AGBL3: variants seen among roughly 807,000 people sequenced by gnomAD.
AGBL3 encodes cytosolic carboxypeptidase 3.
AGBL3 carries 68 observed loss-of-function variants against 94.5 expected under a neutral mutation model. The ratio of observed to expected loss-of-function variants is 0.72; its 90% CI spans 0.59 to 0.88. The LOEUF is 0.88. Among genes scored for constraint, AGBL3 ranks in the 40% least tolerant of loss-of-function variants. The pLI, the probability that AGBL3 is intolerant of heterozygous loss-of-function variation, is 0.00. For synonymous variants in AGBL3, 354 were observed against 370.7 expected, an observed-to-expected ratio of 0.95 and a Z score of 0.52; for missense variants, 934 against 1,103.8, an observed-to-expected ratio of 0.85 and a Z score of 2.18.
intron 11 of AGBL3, among the ~76,000 whole-genome samples, chr7:135,057,464 G>A (rs2116672855): frequency 6.6e-6 from 1 of 152,184 alleles, no homozygotes; most frequent in East Asian, 1.9e-4. Context: ...TTAGGGAATT[G>A]CAGACTAAAA....
In AGBL3 at chr7:134,986,593, C is replaced by G. The variant is rs1809459104; in HGVS notation, c.-168C>G. On this transcript the variant is annotated 5_prime_UTR_variant, in exon 1 of 17. Transcript: ENST00000436302. ...ACTTCTAGCGGCTGGATACCGGGTT[C>G]TCCGCGAGATCGCGAGATCCCGAGA... 1 of 65,560 alleles carries G rather than the reference C, an allele frequency of 1.5e-5. No individual in the cohort carries two copies. The highest frequency in any genetic ancestry group is 1.3e-4 in the Admixed American group (1 of 7,666). The allele number at this position is 65,560 out of a possible 1,614,324, so 4.1% of individuals were successfully genotyped here. A position where few individuals can be genotyped will look rare whatever the true frequency, so the allele number is the denominator to read the frequency against.
intron 4 of AGBL3, chr7:135,012,553 TGG>T (rs1398416388): frequency 6.6e-6 from 1 of 152,176 alleles, no homozygotes; most frequent in Non-Finnish European, 1.5e-5. Flanking sequence ...GAAGTATGTT[TGG>T]GTAGATTTTT....
chr7:135,111,780 T>A (rs577108020), intron 15 of AGBL3, among the ~76,000 whole-genome samples: 1 of 152,298 alleles, frequency 6.6e-6, no homozygotes, highest in South Asian at 2.1e-4. Context: ...CAGTAGTCCA[T>A]CCTTTGGTCT....
rs868734380 is a variant in AGBL3 at position 135,060,868 on chromosome 7, A to G, written c.1908+1633A>G. ...GTGCTGCAATGACCATGGGAGTGCAATATCTCTTTGACATACTGACTTCCT... is the reference window on the plus strand; with the variant it reads ...GTGCTGCAATGACCATGGGAGTGCAGTATCTCTTTGACATACTGACTTCCT... On this transcript the variant is annotated intron_variant, in intron 12 of 16. Coordinates refer to ENST00000436302, the MANE Select transcript of AGBL3 (RefSeq NM_178563.4). Among the ~76,000 whole-genome samples the G allele has an allele frequency of 2.0e-5, 3 of 152,074 alleles. No homozygotes were observed. In the South Asian group the frequency reaches 6.2e-4, roughly 31 times the overall value.
chr7:135,073,566 A>G (rs1820169221), intron 12 of AGBL3, among the ~76,000 whole-genome samples: 1 of 152,110 alleles, frequency 6.6e-6, no homozygotes, highest in Non-Finnish European at 1.5e-5. Flanking sequence ...AACCCCTCAG[A>G]CACCAAGTTA....
chr7:135,121,207 AAAAAC>A (rs1470469007), intron 16 of AGBL3, among the ~76,000 whole-genome samples: 1 of 152,250 alleles, frequency 6.6e-6, no homozygotes, highest in African/African-American at 2.4e-5. Context: ...CTCCGTCTCA[AAAAAC>A]AAAACAAAAC....
chr7:135,114,634 G>GT (rs1826070941), intron 15 of AGBL3, among the ~76,000 whole-genome samples: 1 of 151,892 alleles, frequency 6.6e-6, no homozygotes, highest in African/African-American at 2.4e-5. Flanking sequence ...TATGTACCCA[G>GT]AATACTCCCA....
chr7:135,006,171 G>T (rs1439254702), intron 4 of AGBL3, among the ~76,000 whole-genome samples: 2 of 151,798 alleles, frequency 1.3e-5, no homozygotes, highest in African/African-American at 4.8e-5. Context: ...AAAACAAAGA[G>T]CAACATGCTT....
intron 5 of AGBL3, among the ~76,000 whole-genome samples, chr7:135,019,047 G>A (rs1479759458): frequency 2.0e-5 from 3 of 152,174 alleles, no homozygotes; most frequent in Admixed American, 6.5e-5. Flanking sequence ...TGTCACCATA[G>A]ATTAGTTTTG....
chr7:135,027,664 G>A (rs1815295307), intron 5 of AGBL3, among the ~76,000 whole-genome samples: 1 of 151,282 alleles, frequency 6.6e-6, no homozygotes, highest in Admixed American at 6.6e-5. Flanking sequence ...TTCTGAGTTG[G>A]CTTTTTTTTC....
chr7:134,989,263 T>C lies in AGBL3; in HGVS notation c.77T>C (p.Phe26Ser). ...TTCTTATTTTAGGATGAGGATATGT[T>C]CATGAAATTTGTAAGTGAAGATCTT... ...SDEDESDEDM[F>S]MKFVSEDLHR... Residue 26 changes from phenylalanine to serine, a missense_variant, in exon 3 of 17, where the codon TTC becomes TCC. Coordinates refer to ENST00000436302, the MANE Select transcript of AGBL3 (RefSeq NM_178563.4). 1 of 1,546,144 alleles carries C rather than the reference T, an allele frequency of 6.5e-7. No individual in the cohort carries two copies. Among genetic ancestry groups the C allele is most frequent in the Non-Finnish European group, 8.7e-7 (1 of 1,143,982 alleles).
At chr7:135,025,757 C>A (rs1349211042) in intron 5 of AGBL3, among the ~76,000 whole-genome samples, 1 of 151,198 alleles carries the variant, frequency 6.6e-6, no homozygotes, top group Non-Finnish European at 1.5e-5. Context: ...ATCTACCAGG[C>A]AAACAGAAAA....
rs1179003014 is a variant in AGBL3, at chr7:135,034,482, T to C, written c.891T>C (p.His297=). 7.1e-6 allele frequency: 11 copies of C among 1,551,874 alleles called. No homozygotes were observed. The East Asian group carries it at 1.2e-4, about 17-fold the overall frequency. The change falls in exon 7 of 17, where the codon CAT becomes CAC. Residue 297 remains histidine, a synonymous_variant. Transcript: ENST00000436302. ...PHNKDTCYFA[H]CYPYTYTNLQ... Reference sequence around the variant, plus strand: ...ACAAAGATACCTGCTACTTTGCTCATTGCTATCCATACACTTACACCAACC... The same window carrying C: ...ACAAAGATACCTGCTACTTTGCTCACTGCTATCCATACACTTACACCAACC...
chr7:135,101,450 T>A (rs1213038980), intron 15 of AGBL3, among the ~76,000 whole-genome samples: 1 of 152,164 alleles, frequency 6.6e-6, no homozygotes, highest in African/African-American at 2.4e-5. Context: ...ATTTAATTTG[T>A]ATATGAGTTG....
intron 16 of AGBL3, chr7:135,129,022 A>C (rs1017123052): frequency 6.2e-7 from 1 of 1,607,932 alleles, no homozygotes; most frequent in Non-Finnish European, 8.5e-7. Flanking sequence ...GACTACTTTG[A>C]AATCCAGATC....
intron 4 of AGBL3, chr7:135,010,116 C>G (rs995479542): frequency 6.5e-5 from 27 of 417,846 alleles, no homozygotes; most frequent in Non-Finnish European, 1.9e-5. Context: ...GCAACCTCCA[C>G]CTCCCAGGTT....
At chr7:135,124,994 G>T (rs1047334608) in intron 16 of AGBL3, among the ~76,000 whole-genome samples, 2 of 152,090 alleles carry the variant, frequency 1.3e-5, no homozygotes, top group East Asian at 3.8e-4. Flanking sequence ...AAAAGAGCTA[G>T]AGAGGCAAGA....
At position 134,998,736 on chromosome 7, in the gene AGBL3, A is replaced by G. The variant is rs538579600; in HGVS notation, c.310+5058A>G. 2.0e-5 allele frequency among the ~76,000 whole-genome samples: 3 copies of G among 152,346 alleles called. No homozygotes were observed. The South Asian group carries it at 6.2e-4, about 32-fold the overall frequency. Reference sequence around the variant, plus strand: ...AGACACAGTCCACCCCGTTAGGCCCATAGCAATTCCGACATAAAGGTTGAA... The same window carrying G: ...AGACACAGTCCACCCCGTTAGGCCCGTAGCAATTCCGACATAAAGGTTGAA... On this transcript the variant is annotated intron_variant, in intron 4 of 16. Transcript: ENST00000436302.
chr7:135,129,401 G>T (rs1326096217), intron 16 of AGBL3: 2 of 818,424 alleles, frequency 2.4e-6, no homozygotes, highest in Admixed American at 1.7e-5. Flanking sequence ...TGGAACAAAG[G>T]TATGATAAGA....
Sources: gnomAD v4.1 joint callset for allele counts (sites outside exome capture counted in the v4.1 genomes callset) on GRCh38, gnomAD v4.1.1 for gene constraint, MANE v1.5 for transcripts, NCBI Gene and HGNC (gene_info 2026-07-23, HGNC 2026-07-21) for gene names.